The following MTMR6 variants were observed in gnomAD, a reference collection of about 807,000 sequenced individuals.
MTMR6 encodes myotubularin related protein 6.
A neutral mutation model predicts 80.1 loss-of-function variants in MTMR6; 47 were observed. That is an observed-to-expected ratio of 0.59 (90% CI 0.46 to 0.75). The LOEUF is 0.75. Ranked by LOEUF, MTMR6 falls within the 30% of genes least tolerant of loss-of-function variation. The probability of loss-of-function intolerance (pLI) is 0.00; values close to 1 mark genes in which losing one functional copy is unlikely to be tolerated. For missense variants in MTMR6, 629 were observed against 730.9 expected (o/e 0.86, Z 1.61); for synonymous variants, 254 against 253.0 (o/e 1.00, Z -0.04).
At position 25,265,944 on chromosome 13, in the gene MTMR6, A is replaced by C. The variant is rs764628576; in HGVS notation, c.466T>G (p.Cys156Gly). Reference protein sequence around the residue: ...LSDANRDYKICETYPRELYVP... With the variant: ...LSDANRDYKIGETYPRELYVP... ...TAAAGTTCTCTGGGGTAAGTTTCAC[A>C]AATCTGTAAATATCAAACAAAACAT... The change falls in exon 5 of 14, where the codon TGT becomes GGT. Residue 156 changes from cysteine (C) to glycine (G), a missense_variant. Cys to Gly is a radical substitution (Grantham distance 159). Coordinates refer to ENST00000381801, the MANE Select transcript of MTMR6 (RefSeq NM_004685.5). 6.2e-7 allele frequency: 1 copy of C among 1,613,356 alleles called. No homozygotes were observed. The highest frequency in any genetic ancestry group is 1.1e-5 in the South Asian group (1 of 91,062).
Position 25,248,503 on chromosome 13 carries a change from A to C in MTMR6, c.*729T>G, listed in dbSNP as rs1056574247. ...ATAATAAATTATCAAATGTAGCACT[A>C]AACAAATTATGATCAGAATAAACCT... On this transcript the variant is annotated 3_prime_UTR_variant, in exon 14 of 14. Coordinates refer to ENST00000381801, the MANE Select transcript of MTMR6 (RefSeq NM_004685.5). 6.6e-6 allele frequency: 1 copy of C among 152,184 alleles called. No individual in the cohort carries two copies. Among genetic ancestry groups the C allele is most frequent in the South Asian group, 2.1e-4 (1 of 4,836 alleles). The allele number at this position is 152,184 out of a possible 1,614,324, so 9.4% of individuals were successfully genotyped here.
In MTMR6 at chr13:25,249,235, A is replaced by T. The variant is rs1295319964; in HGVS notation, c.1863T>A (p.Cys621Ter). 5.0e-6 allele frequency: 8 copies of T among 1,612,318 alleles called. No individual in the cohort carries two copies. The highest frequency in any genetic ancestry group is 6.8e-6 in the Non-Finnish European group (8 of 1,178,726). ...TTGCAGAAAAAACTCTATGAGTCTA[A>T]CAAGTCATTCTTGCCACACCATACT... ...SLEYGVARMT[C>*] Residue 621 changes from cysteine (C) to a stop codon, truncating the protein, a stop_gained, in exon 14 of 14, where the codon TGT (cysteine) becomes TGA (stop). Transcript: ENST00000381801. LOFTEE classifies it high-confidence loss of function.
chr13:25,253,053 C>T (rs1287378903), intron 11 of MTMR6, among the ~76,000 whole-genome samples: 7 of 152,106 alleles, frequency 4.6e-5, no homozygotes, highest in Non-Finnish European at 1.0e-4. Flanking sequence ...GAAGCCCAAC[C>T]TAAAACAATA....
At chr13:25,254,035 TAAAC>T in intron 10 of MTMR6, 71 bp from the exon 11 acceptor site, 1 of 1,448,250 alleles carries the variant, frequency 6.9e-7, no homozygotes, top group Non-Finnish European at 9.5e-7. Flanking sequence ...TTGTTAATCT[TAAAC>T]ATACAAAAAT....
In MTMR6 at chr13:25,274,939, GACACACACACACACACACACATAC is replaced by G. The variant is rs1335688282; in HGVS notation, c.25-776_25-753del. The stretch of plus-strand genomic sequence containing the variant: ...ATGTTTTTATGAATACTAGTAGACA[GACACACACACACACACACACATAC>G]ACACACACACACACACACACACACA... On this transcript the variant is annotated intron_variant, in intron 1 of 13. Transcript: ENST00000381801. 5.1e-4 allele frequency among the ~76,000 whole-genome samples: 22 copies of G among 43,030 alleles called. No homozygotes were observed. The South Asian group carries it at 5.1e-3, about 10-fold the overall frequency. The allele number at this position is 43,030 out of a possible 152,430, so 28.2% of individuals were successfully genotyped here.
intron 9 of MTMR6, among the ~76,000 whole-genome samples, chr13:25,256,341 C>G (rs1392722665): frequency 6.6e-6 from 1 of 152,194 alleles, no homozygotes; most frequent in Non-Finnish European, 1.5e-5. Flanking sequence ...CGTACACTCT[C>G]AAGGTAAGCT....
intron 5 of MTMR6, among the ~76,000 whole-genome samples, chr13:25,265,162 T>G (rs578045918): frequency 8.5e-5 from 13 of 152,298 alleles, no homozygotes; most frequent in Admixed American, 8.5e-4. Flanking sequence ...AATGGGACCC[T>G]GAAATGCCCT....
Position 25,253,975 on chromosome 13 carries a change from A to G in MTMR6, c.1146-11T>C. 1.9e-6 allele frequency: 3 copies of G among 1,613,692 alleles called. No individual in the cohort carries two copies. The highest frequency in any genetic ancestry group is 2.5e-6 in the Non-Finnish European group (3 of 1,179,638). ...TCCAACTGGCCACACCTAACCCCACAGAAAGTATAAGCTTTTAAAAACACC... is the reference window on the plus strand; with the variant it reads ...TCCAACTGGCCACACCTAACCCCACGGAAAGTATAAGCTTTTAAAAACACC... On this transcript the variant is annotated splice_polypyrimidine_tract_variant and intron_variant, in intron 10 of 13. Transcript: ENST00000381801.
At position 25,249,464 on chromosome 13, in the gene MTMR6, G is replaced by A; in HGVS notation, c.1634C>T (p.Thr545Ile). 6.2e-7 allele frequency: 1 copy of A among 1,613,418 alleles called. No individual in the cohort carries two copies. The highest frequency in any genetic ancestry group is 8.5e-7 in the Non-Finnish European group (1 of 1,179,620). ...SKIKQRKNKQ[T>I]DGILTKELLH... ...CAATTCCTTGGTGAGGATGCCATCTGTTTGCTTATTTTTGCGTTGTTTAAT... is the reference window on the plus strand; with the variant it reads ...CAATTCCTTGGTGAGGATGCCATCTATTTGCTTATTTTTGCGTTGTTTAAT... Residue 545 changes from threonine to isoleucine, a missense_variant, in exon 14 of 14, where the codon ACA (threonine) becomes ATA (isoleucine). Thr to Ile is a moderately conservative substitution (Grantham distance 89). Coordinates refer to ENST00000381801, the MANE Select transcript of MTMR6 (RefSeq NM_004685.5).
intron 9 of MTMR6, among the ~76,000 whole-genome samples, chr13:25,256,357 T>C (rs909366343): frequency 2.0e-5 from 3 of 152,214 alleles, no homozygotes; most frequent in Admixed American, 6.5e-5. Flanking sequence ...AAGCTGAGCA[T>C]TATTTTCTTA....
At chr13:25,281,869 AAC>A (rs1957857104) in intron 1 of MTMR6, among the ~76,000 whole-genome samples, 1 of 152,158 alleles carries the variant, frequency 6.6e-6, no homozygotes, top group Non-Finnish European at 1.5e-5. Flanking sequence ...TATCAAATGA[AAC>A]AGTCATGGAC....
chr13:25,255,405 G>A (rs1957179521), intron 9 of MTMR6, among the ~76,000 whole-genome samples: 1 of 152,186 alleles, frequency 6.6e-6, no homozygotes, highest in Non-Finnish European at 1.5e-5. Flanking sequence ...TTATCTCAGT[G>A]AAGAGCCAGA....
intron 8 of MTMR6, 100 bp downstream of exon 8, chr13:25,257,636 A>C: frequency 1.2e-6 from 1 of 846,250 alleles, no homozygotes; most frequent in East Asian, 2.6e-5. Context: ...AAAAATAATA[A>C]AAGTTATCTG....
intron 5 of MTMR6, among the ~76,000 whole-genome samples, chr13:25,265,310 TGGAA>T (rs1371438440): frequency 6.6e-6 from 1 of 152,106 alleles, no homozygotes; most frequent in African/African-American, 2.4e-5. Flanking sequence ...AAGTCACTGC[TGGAA>T]GGAAGGGAGG....
chr13:25,266,334 T>C (rs372258655), intron 3 of MTMR6, 48 bp from the exon 4 acceptor site: 4 of 1,446,584 alleles, frequency 2.8e-6, no homozygotes, highest in Admixed American at 2.0e-5. Flanking sequence ...ATAAGACTTA[T>C]ACACTACAAA....
Position 25,287,206 on chromosome 13 carries a change from G to T in MTMR6, c.24+18C>A. On this transcript the variant is annotated intron_variant, in intron 1 of 13. Transcript: ENST00000381801. ...CAGAGCAGGGCCCCTGAAGACTGGC[G>T]ATCCCGCGCCCGACTACCTTGGTCG... is the stretch of plus-strand genomic sequence containing the variant. 1 of 1,593,620 alleles carries T rather than the reference G, an allele frequency of 6.3e-7. No homozygotes were observed. Among genetic ancestry groups the T allele is most frequent in the Non-Finnish European group, 8.5e-7 (1 of 1,173,426 alleles).
intron 11 of MTMR6, among the ~76,000 whole-genome samples, chr13:25,253,134 C>T (rs1194836299): frequency 1.3e-5 from 2 of 152,074 alleles, no homozygotes; most frequent in African/African-American, 4.8e-5. Context: ...CCCCTATCCC[C>T]GAAGACTGGT....
chr13:25,267,833 T>G lies in MTMR6; in HGVS notation c.250A>C (p.Arg84=). 1.2e-6 allele frequency: 2 copies of G among 1,613,978 alleles called. No individual in the cohort carries two copies. Among genetic ancestry groups the G allele is most frequent in the Non-Finnish European group, 1.7e-6 (2 of 1,179,926 alleles). Residue 84 remains arginine, a synonymous_variant, in exon 3 of 14, where the codon AGA becomes CGA. Coordinates refer to ENST00000381801, the MANE Select transcript of MTMR6 (RefSeq NM_004685.5). ...NFRTVHFIVP[R]ERDCHDIYNS... ...TAAATATCATGGCAATCTCTTTCTC[T>G]GGGAACAATGAAATGCACAGTTCTG... is the stretch of plus-strand genomic sequence containing the variant.
chr13:25,287,109 G>A, intron 1 of MTMR6, 115 bp downstream of exon 1: 1 of 1,453,376 alleles, frequency 6.9e-7, no homozygotes, highest in Non-Finnish European at 9.3e-7. Flanking sequence ...CCCCGGGCCG[G>A]GTCTCCGCCG....
Sources: allele counts gnomAD v4.1 joint callset (sites outside exome capture counted in the v4.1 genomes callset), GRCh38; gene constraint gnomAD v4.1.1; transcripts MANE v1.5; gene names NCBI Gene and HGNC (gene_info 2026-07-23, HGNC 2026-07-21).